The following NRG3 variants were observed in gnomAD, a reference collection of about 807,000 sequenced individuals.
NRG3 encodes neuregulin 3.
A neutral mutation model predicts 66.9 loss-of-function variants in NRG3; 31 were observed. The observed-to-expected ratio is 0.46, with a 90% confidence interval of 0.35 to 0.63. The LOEUF is 0.63. NRG3 is among the 20% of genes least tolerant of loss of function. The pLI is 0.00. For missense variants in NRG3, 910 were observed against 878.9 expected (o/e 1.04, Z -0.45); for synonymous variants, 393 against 359.4 (o/e 1.09, Z -1.06).
chr10:82,789,274 G>A (rs2060490035), intron 3 of NRG3, among the ~76,000 whole-genome samples: 1 of 151,952 alleles, frequency 6.6e-6, no homozygotes, highest in South Asian at 2.1e-4. Flanking sequence ...TATGTTTGAT[G>A]ACCATTTTAA....
intron 1 of NRG3, among the ~76,000 whole-genome samples, chr10:82,263,043 T>A (rs1283024964): frequency 1.3e-5 from 2 of 152,176 alleles, no homozygotes; most frequent in Non-Finnish European, 2.9e-5. Context: ...ACCTGCTTTG[T>A]ATAAAAAATA....
intron 6 of NRG3, among the ~76,000 whole-genome samples, chr10:82,966,971 T>C (rs1255109870): frequency 4.6e-5 from 7 of 151,890 alleles, no homozygotes; most frequent in African/African-American, 1.7e-4. Context: ...GCTTATGTTG[T>C]ACATTTTCTG....
At chr10:82,675,105 C>A (rs906835558) in intron 2 of NRG3, among the ~76,000 whole-genome samples, 1 of 152,014 alleles carries the variant, frequency 6.6e-6, no homozygotes, top group South Asian at 2.1e-4. Context: ...ATTACAGGCA[C>A]CCGCCATCAT....
At chr10:82,677,223 T>C (rs1403485510) in intron 2 of NRG3, among the ~76,000 whole-genome samples, 1 of 152,016 alleles carries the variant, frequency 6.6e-6, no homozygotes, top group Non-Finnish European at 1.5e-5. Flanking sequence ...GGCTATTTTT[T>C]GTACTTTTTG....
intron 1 of NRG3, among the ~76,000 whole-genome samples, chr10:81,932,879 C>A (rs1041941250): frequency 2.6e-5 from 4 of 151,930 alleles, no homozygotes; most frequent in African/African-American, 7.2e-5. Flanking sequence ...GAGGCCAAGG[C>A]GGGTGAATCA....
chr10:81,973,014 C>A (rs774099628), intron 1 of NRG3, among the ~76,000 whole-genome samples: 1 of 151,992 alleles, frequency 6.6e-6, no homozygotes, highest in Non-Finnish European at 1.5e-5. Context: ...TTATTTCATA[C>A]CCCCAGGTAT....
intron 2 of NRG3, among the ~76,000 whole-genome samples, chr10:82,441,342 C>G (rs778504200): frequency 6.6e-6 from 1 of 152,168 alleles, no homozygotes; most frequent in Non-Finnish European, 1.5e-5. Flanking sequence ...AGATTTCTGT[C>G]CTTGGCATCT....
intron 6 of NRG3, among the ~76,000 whole-genome samples, chr10:82,968,462 T>C (rs912927097): frequency 2.0e-5 from 3 of 152,164 alleles, no homozygotes; most frequent in Non-Finnish European, 4.4e-5. Flanking sequence ...TTCAAACATA[T>C]GAAATAACAG....
intron 1 of NRG3, among the ~76,000 whole-genome samples, chr10:82,021,150 A>G (rs1346365210): frequency 3.9e-5 from 6 of 151,980 alleles, no homozygotes; most frequent in South Asian, 4.1e-4. Context: ...GATATCCCTT[A>G]TATTTACACA....
At chr10:82,470,995 C>G (rs912953344) in intron 2 of NRG3, among the ~76,000 whole-genome samples, 1 of 152,122 alleles carries the variant, frequency 6.6e-6, no homozygotes, top group African/African-American at 2.4e-5. Flanking sequence ...TTGATGGTCC[C>G]TGCACCTCTC....
At chr10:82,624,259 A>G (rs1283889763) in intron 2 of NRG3, among the ~76,000 whole-genome samples, 1 of 152,190 alleles carries the variant, frequency 6.6e-6, no homozygotes, top group Non-Finnish European at 1.5e-5. Context: ...ATTAAAAACA[A>G]CAAGAAAAAA....
chr10:82,253,195 A>G (rs2077565279), intron 1 of NRG3, among the ~76,000 whole-genome samples: 3 of 152,164 alleles, frequency 2.0e-5, no homozygotes, highest in Admixed American at 2.0e-4. Context: ...GGTTAGTTCA[A>G]ATACCTCCCA....
At chr10:82,583,254 G>A (rs1269789778) in intron 2 of NRG3, among the ~76,000 whole-genome samples, 5 of 152,056 alleles carry the variant, frequency 3.3e-5, no homozygotes, top group Admixed American at 1.3e-4. Flanking sequence ...CAATAGTAAG[G>A]TGATATGAGA....
intron 1 of NRG3, among the ~76,000 whole-genome samples, chr10:82,120,191 G>A (rs766411978): frequency 5.0e-4 from 76 of 152,142 alleles, no homozygotes; most frequent in Non-Finnish European, 9.3e-4. Flanking sequence ...AGTCCGAGCC[G>A]TTTCTTCTCC....
chr10:81,982,407 C>T (rs1258678914), intron 1 of NRG3, among the ~76,000 whole-genome samples: 1 of 152,216 alleles, frequency 6.6e-6, no homozygotes, highest in African/African-American at 2.4e-5. Flanking sequence ...GTGCCTCAAA[C>T]CTCTCACAGC....
chr10:82,976,861 C>G (rs1294888793), intron 7 of NRG3, among the ~76,000 whole-genome samples: 1 of 152,120 alleles, frequency 6.6e-6, no homozygotes, highest in Non-Finnish European at 1.5e-5. Context: ...CTCACTTTCT[C>G]TCTGCATTCT....
chr10:82,063,227 A>G (rs987726367), intron 1 of NRG3, among the ~76,000 whole-genome samples: 4 of 151,826 alleles, frequency 2.6e-5, no homozygotes, highest in African/African-American at 4.8e-5. Flanking sequence ...TATGTCACTA[A>G]CTATCACTGG....
chr10:82,027,914 T>C (rs1304813134), intron 1 of NRG3, among the ~76,000 whole-genome samples: 3 of 152,066 alleles, frequency 2.0e-5, no homozygotes, highest in African/African-American at 7.2e-5. Flanking sequence ...GTCACAGACT[T>C]TACTCAGATC....
intron 1 of NRG3, among the ~76,000 whole-genome samples, chr10:82,262,298 C>T (rs1400275434): frequency 6.6e-6 from 1 of 152,146 alleles, no homozygotes; most frequent in Non-Finnish European, 1.5e-5. Flanking sequence ...TAGTGACAAT[C>T]CTGACATGCC....
Sources: allele counts gnomAD v4.1 joint callset (sites outside exome capture counted in the v4.1 genomes callset), GRCh38; gene constraint gnomAD v4.1.1; transcripts MANE v1.5; gene names NCBI Gene and HGNC (gene_info 2026-07-23, HGNC 2026-07-21).